Variants in LHFPL3 observed in about 807,000 individuals in gnomAD.
LHFPL3 encodes the protein LHFPL tetraspan subfamily member 3.
LHFPL3 carries 5 observed loss-of-function variants against 19.3 expected under a neutral mutation model. The observed-to-expected ratio is 0.26, with a 90% CI of 0.14 to 0.54. The LOEUF (loss-of-function observed/expected upper bound fraction) is 0.54. Ranked by LOEUF, LHFPL3 falls within the 20% of genes least tolerant of loss-of-function variation. The pLI is 0.94. For synonymous variants in LHFPL3, 133 were observed against 126.2 expected (o/e 1.05, Z -0.36); for missense variants, 249 against 307.4 (o/e 0.81, Z 1.42).
chr7:104,488,643 G>A (rs1793281726), intron 1 of LHFPL3, among the ~76,000 whole-genome samples: 1 of 152,152 alleles, frequency 6.6e-6, no homozygotes, highest in Admixed American at 6.5e-5. Context: ...AGGGATAAGA[G>A]TAAGTTCAGC....
At chr7:104,456,884 C>T (rs1195214333) in intron 1 of LHFPL3, among the ~76,000 whole-genome samples, 1 of 152,114 alleles carries the variant, frequency 6.6e-6, no homozygotes, top group Admixed American at 6.5e-5. Flanking sequence ...CCATTTAAAA[C>T]TTATGAATTG....
chr7:104,513,541 G>T (rs1230738903), intron 1 of LHFPL3, among the ~76,000 whole-genome samples: 1 of 152,194 alleles, frequency 6.6e-6, no homozygotes, highest in African/African-American at 2.4e-5. Context: ...ATCCAGCTGT[G>T]TATGAAGAAG....
At chr7:104,903,720 C>T (rs1792540016) in intron 2 of LHFPL3, among the ~76,000 whole-genome samples, 1 of 152,158 alleles carries the variant, frequency 6.6e-6, no homozygotes, top group South Asian at 2.1e-4. Context: ...CCCACCTTGG[C>T]CTCCCAAAGT....
chr7:104,383,741 A>G (rs1040383599), intron 1 of LHFPL3, among the ~76,000 whole-genome samples: 6 of 152,178 alleles, frequency 3.9e-5, no homozygotes, highest in African/African-American at 1.4e-4. Flanking sequence ...TCCTTTTTTT[A>G]AAAGCTGCAA....
chr7:104,706,598 C>T (rs1793194598), intron 1 of LHFPL3, among the ~76,000 whole-genome samples: 3 of 152,334 alleles, frequency 2.0e-5, no homozygotes, highest in South Asian at 4.1e-4. Flanking sequence ...TTGGAAGATA[C>T]ATGCCCAACA....
rs1053008439 is a variant in LHFPL3 at position 104,825,118 on chromosome 7, T to A, written c.683-81069T>A. Among the ~76,000 whole-genome samples the A allele has an allele frequency of 2.1e-4, 32 of 150,952 alleles. 2 individuals are homozygous for A. The highest frequency in any genetic ancestry group is 7.6e-4 in the African/African-American group (31 of 40,876). On this transcript the variant is annotated intron_variant, in intron 2 of 2. Coordinates refer to ENST00000424859, the MANE Select transcript of LHFPL3 (RefSeq NM_199000.3). ...TAAGATAGGAGGACCATATAAGATC[T>A]AACAGCTGCAGTGTTAAAAATAATA...
chr7:104,425,006 G>T (rs112674932), intron 1 of LHFPL3, among the ~76,000 whole-genome samples: 4 of 122,228 alleles, frequency 3.3e-5, no homozygotes, highest in South Asian at 2.4e-4. Context: ...AAAAAAAAAA[G>T]AAGTATCTGA....
intron 1 of LHFPL3, among the ~76,000 whole-genome samples, chr7:104,456,516 T>G (rs1424138908): frequency 6.6e-6 from 1 of 152,206 alleles, no homozygotes; most frequent in Non-Finnish European, 1.5e-5. Flanking sequence ...GGATTTCTCT[T>G]TCTTTTTCTA....
At chr7:104,376,219 G>A (rs1790710858) in intron 1 of LHFPL3, among the ~76,000 whole-genome samples, 1 of 152,192 alleles carries the variant, frequency 6.6e-6, no homozygotes, top group African/African-American at 2.4e-5. Flanking sequence ...CACAGTTTGT[G>A]GGCACTTTTT....
intron 2 of LHFPL3, among the ~76,000 whole-genome samples, chr7:104,820,746 C>G (rs188257552): frequency 6.6e-6 from 1 of 152,028 alleles, no homozygotes; most frequent in African/African-American, 2.4e-5. Context: ...ACCTTAACCA[C>G]CCCCCCAGAC....
intron 2 of LHFPL3, among the ~76,000 whole-genome samples, chr7:104,864,210 T>G (rs2116642632): frequency 6.6e-6 from 1 of 152,352 alleles, no homozygotes; most frequent in South Asian, 2.1e-4. Context: ...GGGTTATTTC[T>G]GCATTTCCAA....
chr7:104,886,001 A>T (rs374203348), intron 2 of LHFPL3, among the ~76,000 whole-genome samples: 1 of 152,128 alleles, frequency 6.6e-6, no homozygotes, highest in African/African-American at 2.4e-5. Flanking sequence ...TCCTTCAGGG[A>T]AAGTGTCCCT....
intron 2 of LHFPL3, among the ~76,000 whole-genome samples, chr7:104,754,337 A>G (rs1326180335): frequency 6.6e-6 from 1 of 152,248 alleles, no homozygotes; most frequent in Non-Finnish European, 1.5e-5. Context: ...ATAAAAATAT[A>G]TACGTTAATG....
intron 1 of LHFPL3, among the ~76,000 whole-genome samples, chr7:104,516,867 T>C (rs973914276): frequency 6.6e-6 from 1 of 152,200 alleles, no homozygotes; most frequent in Non-Finnish European, 1.5e-5. Context: ...GCAGTGCTAT[T>C]TGAAATAGCA....
At chr7:104,790,186 T>C (rs773311794) in intron 2 of LHFPL3, among the ~76,000 whole-genome samples, 4 of 152,194 alleles carry the variant, frequency 2.6e-5, no homozygotes, top group Non-Finnish European at 4.4e-5. Flanking sequence ...AGCGTTGAAA[T>C]TGATATTAAA....
chr7:104,590,346 A>C (rs531365709), intron 1 of LHFPL3, among the ~76,000 whole-genome samples: 2 of 152,034 alleles, frequency 1.3e-5, no homozygotes, highest in Non-Finnish European at 2.9e-5. Context: ...GAACATCTTT[A>C]TTTCTGCCTT....
At chr7:104,761,263 A>G (rs1316397093) in intron 2 of LHFPL3, among the ~76,000 whole-genome samples, 2 of 152,148 alleles carry the variant, frequency 1.3e-5, no homozygotes, top group Non-Finnish European at 2.9e-5. Context: ...TTCTTTATCC[A>G]TATATGGATC....
chr7:104,749,044 C>T (rs1365365792), intron 2 of LHFPL3, among the ~76,000 whole-genome samples: 2 of 152,244 alleles, frequency 1.3e-5, no homozygotes, highest in East Asian at 3.8e-4. Context: ...ACAAATTTGA[C>T]ATGGCATAAG....
At chr7:104,505,656 A>G (rs61556828) in intron 1 of LHFPL3, among the ~76,000 whole-genome samples, 2,496 of 152,330 alleles carry the variant, frequency 0.016, 67 homozygotes, top group African/African-American at 0.057. Context: ...ACATATTTAT[A>G]TGTCGAAAAA....
Sources: allele counts gnomAD v4.1 joint callset (sites outside exome capture counted in the v4.1 genomes callset), GRCh38; gene constraint gnomAD v4.1.1; transcripts MANE v1.5; gene names NCBI Gene and HGNC (gene_info 2026-07-23, HGNC 2026-07-21).